Variants in TTLL11 observed in about 807,000 individuals in gnomAD.
TTLL11 encodes tubulin polyglutamylase TTLL11.
A neutral mutation model predicts 51.7 loss-of-function variants in TTLL11; 42 were observed. The observed-to-expected ratio is 0.81, with a 90% CI of 0.64 to 1.05. TTLL11 has a LOEUF of 1.05. Ranked by LOEUF, TTLL11 falls within the 50% of genes least tolerant of loss-of-function variation. The pLI is 0.00. For missense variants in TTLL11, 799 were observed against 940.4 expected, an observed-to-expected ratio of 0.85 and a Z score of 1.97; for synonymous variants, 381 against 383.5, an observed-to-expected ratio of 0.99 and a Z score of 0.08.
chr9:121,856,609 A>T (rs72764080), intron 8 of TTLL11, among the ~76,000 whole-genome samples: 6,370 of 152,230 alleles, frequency 0.042, 182 homozygotes, highest in Non-Finnish European at 0.063. Flanking sequence ...TGCAGGGCAC[A>T]ATACCTGGTA....
chr9:121,960,658 G>A (rs746108365), intron 6 of TTLL11, among the ~76,000 whole-genome samples: 5 of 152,148 alleles, frequency 3.3e-5, no homozygotes, highest in Non-Finnish European at 5.9e-5. Flanking sequence ...ATTCATGCAC[G>A]TATGCATACT....
At chr9:122,067,338 G>T (rs138180275) in intron 1 of TTLL11, among the ~76,000 whole-genome samples, 1 of 152,218 alleles carries the variant, frequency 6.6e-6, no homozygotes, top group South Asian at 2.1e-4. Context: ...TTTCTATTAC[G>T]GTGAATCTGA....
intron 1 of TTLL11, among the ~76,000 whole-genome samples, chr9:122,047,673 C>G (rs1379200139): frequency 6.6e-6 from 1 of 152,206 alleles, no homozygotes; most frequent in Non-Finnish European, 1.5e-5. Context: ...ACATTAAAAA[C>G]TGCTCATTTG....
chr9:121,983,806 C>G (rs1205620256), intron 4 of TTLL11, among the ~76,000 whole-genome samples: 2 of 152,252 alleles, frequency 1.3e-5, no homozygotes, highest in African/African-American at 4.8e-5. Context: ...CCCCATTACA[C>G]TGTGTGCCCC....
chr9:121,897,208 A>G (rs1839557400), intron 6 of TTLL11, among the ~76,000 whole-genome samples: 1 of 152,122 alleles, frequency 6.6e-6, no homozygotes, highest in African/African-American at 2.4e-5. Context: ...GAAAAAATAA[A>G]ACCATACTGG....
At chr9:121,845,934 T>A (rs4837901) in intron 8 of TTLL11, among the ~76,000 whole-genome samples, 1 of 151,980 alleles carries the variant, frequency 6.6e-6, no homozygotes. Flanking sequence ...TCAATAAGTA[T>A]TTTAAATGTG....
intron 3 of TTLL11, among the ~76,000 whole-genome samples, chr9:122,009,346 A>C (rs1843736684): frequency 6.6e-6 from 1 of 152,136 alleles, no homozygotes; most frequent in Admixed American, 6.5e-5. Flanking sequence ...TAACATAACA[A>C]AATGATAATT....
At position 121,820,639 on chromosome 9, in the gene TTLL11, T is replaced by C. The variant is rs1292760447; in HGVS notation, c.*1948A>G. On this transcript the variant is annotated 3_prime_UTR_variant, in exon 9 of 9. Coordinates refer to ENST00000321582, the MANE Select transcript of TTLL11 (RefSeq NM_001139442.2). Reference sequence around the variant, plus strand: ...TGGACCAAGTCCTGACTACATGGCCTCCTGGGCCTTCCTTTCCTCATCTGA... The same window carrying C: ...TGGACCAAGTCCTGACTACATGGCCCCCTGGGCCTTCCTTTCCTCATCTGA... Among the ~76,000 whole-genome samples, 1 of 152,032 alleles carries C rather than the reference T, an allele frequency of 6.6e-6. No homozygotes were observed. The highest frequency in any genetic ancestry group is 2.4e-5 in the African/African-American group (1 of 41,396).
intron 6 of TTLL11, among the ~76,000 whole-genome samples, chr9:121,962,917 A>G (rs1842282703): frequency 6.6e-6 from 1 of 152,260 alleles, no homozygotes; most frequent in Admixed American, 6.5e-5. Context: ...GACAGAGAAC[A>G]GGCCTTGGAT....
At chr9:122,051,467 C>T (rs1395814984) in intron 1 of TTLL11, among the ~76,000 whole-genome samples, 1 of 152,178 alleles carries the variant, frequency 6.6e-6, no homozygotes, top group African/African-American at 2.4e-5. Context: ...CATACCACAT[C>T]GCCTTTGGCC....
chr9:122,036,744 G>T (rs377135564), intron 2 of TTLL11, among the ~76,000 whole-genome samples: 8 of 152,194 alleles, frequency 5.3e-5, no homozygotes, highest in African/African-American at 1.9e-4. Context: ...GTGCATTTTA[G>T]AATAATGAGA....
At chr9:121,963,663 C>T (rs1249794515) in intron 6 of TTLL11, 2 of 152,216 alleles carry the variant, frequency 1.3e-5, no homozygotes, top group Non-Finnish European at 2.9e-5. Context: ...GACACTCTCA[C>T]ATCAGCTCAG....
chr9:122,032,588 C>T (rs941865419), intron 2 of TTLL11, among the ~76,000 whole-genome samples: 1 of 147,610 alleles, frequency 6.8e-6, no homozygotes, highest in Admixed American at 6.8e-5. Context: ...GCGGAGCTTG[C>T]AATGAGCCAA....
intron 3 of TTLL11, among the ~76,000 whole-genome samples, chr9:122,014,513 C>T (rs1407416866): frequency 6.6e-6 from 1 of 152,220 alleles, no homozygotes; most frequent in Non-Finnish European, 1.5e-5. Flanking sequence ...TGCTGGTTTC[C>T]ATAGTGCCTG....
chr9:121,916,835 A>G (rs1400046094), intron 6 of TTLL11, among the ~76,000 whole-genome samples: 1 of 152,188 alleles, frequency 6.6e-6, no homozygotes. Flanking sequence ...CTTTATTCAG[A>G]CAAACCTAAT....
chr9:121,915,993 ACACACACAC>A (rs1378767570), intron 6 of TTLL11, among the ~76,000 whole-genome samples: 1 of 26,280 alleles, frequency 3.8e-5, no homozygotes, highest in Non-Finnish European at 1.8e-4. Flanking sequence ...ACACACATAC[ACACACACAC>A]ACACACACAC....
At chr9:122,047,044 C>T (rs1313739028) in intron 1 of TTLL11, among the ~76,000 whole-genome samples, 1 of 152,074 alleles carries the variant, frequency 6.6e-6, no homozygotes, top group Non-Finnish European at 1.5e-5. Flanking sequence ...CACTATAAAC[C>T]ATGGTAGGGG....
intron 6 of TTLL11, among the ~76,000 whole-genome samples, chr9:121,910,064 C>A (rs1426239974): frequency 6.6e-6 from 1 of 152,112 alleles, no homozygotes; most frequent in Non-Finnish European, 1.5e-5. Flanking sequence ...ATTATAATTT[C>A]AAAATAAAGA....
chr9:121,872,081 G>A (rs1838378809), intron 6 of TTLL11, among the ~76,000 whole-genome samples: 1 of 152,218 alleles, frequency 6.6e-6, no homozygotes, highest in South Asian at 2.1e-4. Flanking sequence ...GAGACGTGCT[G>A]CTGTTAATGG....
Sources: allele counts gnomAD v4.1 joint callset (sites outside exome capture counted in the v4.1 genomes callset), GRCh38; gene constraint gnomAD v4.1.1; transcripts MANE v1.5; gene names NCBI Gene and HGNC (gene_info 2026-07-23, HGNC 2026-07-21).